IGF2BP2: variants seen among roughly 807,000 people sequenced by gnomAD.
The protein encoded by IGF2BP2 is insulin-like growth factor 2 mRNA-binding protein 2.
Under a neutral mutation model 75.8 loss-of-function variants are expected in IGF2BP2, and 17 were observed. The observed-to-expected ratio is 0.22, with a 90% CI of 0.15 to 0.34. The LOEUF (loss-of-function observed/expected upper bound fraction) is 0.34, where lower values mean the gene tolerates loss of function less well. Among genes scored for constraint, IGF2BP2 ranks in the 10% least tolerant of loss-of-function variants. IGF2BP2 has a pLI of 1.00. For missense variants in IGF2BP2, 516 were observed against 772.4 expected, an observed-to-expected ratio of 0.67 and a Z score of 3.93; for synonymous variants, 288 against 295.6, an observed-to-expected ratio of 0.97 and a Z score of 0.26.
At chr3:185,663,644 G>A (rs1456457640) in intron 10 of IGF2BP2, among the ~76,000 whole-genome samples, 3 of 152,118 alleles carry the variant, frequency 2.0e-5, no homozygotes, top group South Asian at 2.1e-4. Flanking sequence ...AGTGAAGGGT[G>A]GGAAAGGTGA....
At chr3:185,806,251 G>A (rs984059913) in intron 2 of IGF2BP2, among the ~76,000 whole-genome samples, 3 of 152,130 alleles carry the variant, frequency 2.0e-5, no homozygotes, top group Admixed American at 6.5e-5. Context: ...ACTACAGAGA[G>A]GTCAGGAAGT....
intron 10 of IGF2BP2, among the ~76,000 whole-genome samples, chr3:185,659,018 T>A (rs1214685162): frequency 6.6e-6 from 1 of 152,110 alleles, no homozygotes; most frequent in Non-Finnish European, 1.5e-5. Context: ...AACTTGAGAC[T>A]AGCCTGGGTG....
At chr3:185,792,193 T>C (rs1186708294) in intron 2 of IGF2BP2, among the ~76,000 whole-genome samples, 1 of 152,180 alleles carries the variant, frequency 6.6e-6, no homozygotes, top group Non-Finnish European at 1.5e-5. Context: ...AAAAAGTAGA[T>C]GATTACTTAA....
intron 2 of IGF2BP2, among the ~76,000 whole-genome samples, chr3:185,788,196 G>A (rs9841201): frequency 0.45 from 68,011 of 152,032 alleles, 18,176 homozygotes; most frequent in African/African-American, 0.77. Flanking sequence ...CTGAAGGCAG[G>A]TGGATTCTAG....
At chr3:185,652,967 A>G (rs1441274255) in intron 12 of IGF2BP2, among the ~76,000 whole-genome samples, 1 of 152,106 alleles carries the variant, frequency 6.6e-6, no homozygotes, top group African/African-American at 2.4e-5. Flanking sequence ...ATCTGCCACC[A>G]CACCCAGCTA....
Position 185,707,608 on chromosome 3 carries a change from T to C in IGF2BP2, c.240-9261A>G, listed in dbSNP as rs148336262. 5.9e-3 allele frequency among the ~76,000 whole-genome samples: 893 copies of C among 152,166 alleles called. 6 individuals are homozygous for C. The highest frequency in any genetic ancestry group is 0.021 in the African/African-American group (863 of 41,528). On this transcript the variant is annotated intron_variant, in intron 2 of 15. Transcript: ENST00000382199. The stretch of plus-strand genomic sequence containing the variant: ...AGGCGTGAGCCACCGAAGAGCCTAC[T>C]TTTACTGGAATAGTGGTGAATAGCT...
intron 7 of IGF2BP2, among the ~76,000 whole-genome samples, chr3:185,684,405 TTTTTC>T (rs1720823592): frequency 6.6e-6 from 1 of 152,068 alleles, no homozygotes. Flanking sequence ...TTCTTTTTTT[TTTTTC>T]TTTTCTTGTT....
chr3:185,765,157 A>G (rs1367991671), intron 2 of IGF2BP2, among the ~76,000 whole-genome samples: 1 of 152,140 alleles, frequency 6.6e-6, no homozygotes, highest in Non-Finnish European at 1.5e-5. Flanking sequence ...AGCAAGTTTA[A>G]AGTTTTATTT....
chr3:185,724,122 A>T (rs537027956), intron 2 of IGF2BP2, among the ~76,000 whole-genome samples: 1 of 152,352 alleles, frequency 6.6e-6, no homozygotes, highest in African/African-American at 2.4e-5. Context: ...GAATGAACAG[A>T]TAAGGAGAGA....
chr3:185,726,854 G>A (rs549573197), intron 2 of IGF2BP2, among the ~76,000 whole-genome samples: 2 of 152,136 alleles, frequency 1.3e-5, no homozygotes, highest in South Asian at 2.1e-4. Context: ...TGACCACAAG[G>A]TTCTCTGAAA....
intron 2 of IGF2BP2, among the ~76,000 whole-genome samples, chr3:185,782,310 G>A (rs537180264): frequency 3.3e-5 from 5 of 152,140 alleles, no homozygotes; most frequent in Non-Finnish European, 5.9e-5. Flanking sequence ...TTTAAAACTC[G>A]CTTAAAATCA....
intron 2 of IGF2BP2, among the ~76,000 whole-genome samples, chr3:185,752,959 T>C (rs1461275341): frequency 2.6e-5 from 4 of 152,192 alleles, no homozygotes; most frequent in African/African-American, 4.8e-5. Flanking sequence ...TTATTTACTA[T>C]GTTTTCATTC....
At chr3:185,658,554 G>C (rs1715854958) in intron 10 of IGF2BP2, 145 bp from the exon 11 acceptor site, 4 of 630,280 alleles carry the variant, frequency 6.3e-6, no homozygotes, top group Non-Finnish European at 8.4e-6. Flanking sequence ...GTCCCTCTGT[G>C]TCTCAGATCT....
chr3:185,731,246 CTTTTTTT>C (rs760172663), intron 2 of IGF2BP2, among the ~76,000 whole-genome samples: 2 of 129,254 alleles, frequency 1.5e-5, no homozygotes, highest in Non-Finnish European at 1.7e-5. Context: ...GCATCACTTT[CTTTTTTT>C]TTTTTTTTTT....
chr3:185,698,375 C>T (rs1722850204), intron 2 of IGF2BP2, 28 bp from the exon 3 acceptor site: 3 of 1,604,040 alleles, frequency 1.9e-6, no homozygotes, highest in Non-Finnish European at 2.6e-6. Context: ...CAGACTATAA[C>T]ACTTTCTCCA....
chr3:185,739,679 T>C (rs1656944711), intron 2 of IGF2BP2, among the ~76,000 whole-genome samples: 1 of 152,062 alleles, frequency 6.6e-6, no homozygotes, highest in Non-Finnish European at 1.5e-5. Flanking sequence ...GAAGCTTCTC[T>C]TTCTGTCTAG....
chr3:185,717,631 G>A (rs1447989223), intron 2 of IGF2BP2: 1 of 152,258 alleles, frequency 6.6e-6, no homozygotes, highest in Non-Finnish European at 1.5e-5. Context: ...AGAGTTCCAA[G>A]AGAAAGACTG....
At chr3:185,796,268 A>G (rs1223764790) in intron 2 of IGF2BP2, among the ~76,000 whole-genome samples, 3 of 152,132 alleles carry the variant, frequency 2.0e-5, no homozygotes, top group Non-Finnish European at 2.9e-5. Flanking sequence ...TTGAAATAAG[A>G]GCTCCAGGGA....
intron 2 of IGF2BP2, among the ~76,000 whole-genome samples, chr3:185,758,887 CG>C (rs1401524706): frequency 6.6e-6 from 1 of 152,150 alleles, no homozygotes; most frequent in Non-Finnish European, 1.5e-5. Flanking sequence ...TAGAGCTCCA[CG>C]GTAGGAGATT....
Sources: gnomAD v4.1 joint callset for allele counts (sites outside exome capture counted in the v4.1 genomes callset) on GRCh38, gnomAD v4.1.1 for gene constraint, MANE v1.5 for transcripts, NCBI Gene and HGNC (gene_info 2026-07-23, HGNC 2026-07-21) for gene names.